The following DMD variants were observed in gnomAD, a reference collection of about 807,000 sequenced individuals.
DMD encodes the protein mutant dystrophin.
DMD carries 63 observed loss-of-function variants against 330.1 expected under a neutral mutation model. The ratio of observed to expected loss-of-function variants is 0.19; its 90% CI spans 0.16 to 0.24. DMD has a LOEUF of 0.24. Ranked by LOEUF, DMD falls within the 10% of genes least tolerant of loss-of-function variation. The pLI is 1.00. For missense variants in DMD, 3,344 were observed against 2,684.1 expected, an observed-to-expected ratio of 1.25 and a Z score of -5.43; for synonymous variants, 1,223 against 959.8, an observed-to-expected ratio of 1.27 and a Z score of -5.07.
intron 27 of DMD, among the ~76,000 whole-genome samples, chrX:32,441,921 G>A (rs2098282765): frequency 9.0e-6 from 1 of 110,579 alleles, no homozygotes; most frequent in Non-Finnish European, 1.9e-5. Context: ...CGTGAATATG[G>A]ACTATTTTTC....
intron 26 of DMD, among the ~76,000 whole-genome samples, chrX:32,452,521 G>T (rs2098338711): frequency 2.0e-5 from 2 of 97,792 alleles, no homozygotes; most frequent in South Asian, 1.0e-3. Flanking sequence ...GAAAGGAAAG[G>T]AAAAAAGAGA....
At chrX:32,275,387 C>T (rs1218635341) in intron 43 of DMD, among the ~76,000 whole-genome samples, 5 of 111,400 alleles carry the variant, frequency 4.5e-5, no homozygotes, top group Non-Finnish European at 9.4e-5. Flanking sequence ...ATCATCAAGT[C>T]GTATTGATTA....
At chrX:31,365,578 TG>T (rs1246446412) in intron 60 of DMD, among the ~76,000 whole-genome samples, 10 of 112,197 alleles carry the variant, frequency 8.9e-5, no homozygotes, top group Non-Finnish European at 1.7e-4. Flanking sequence ...GATAGAGGGT[TG>T]GTTGTTGACA....
chrX:32,316,271 G>A (rs992938066), intron 41 of DMD, among the ~76,000 whole-genome samples: 1 of 111,102 alleles, frequency 9.0e-6, no homozygotes, highest in African/African-American at 3.3e-5. Flanking sequence ...AAATCTGAAT[G>A]AGAAAAATCA....
intron 73 of DMD, 100 bp downstream of exon 73, chrX:31,172,248 A>C: frequency 1.6e-6 from 1 of 616,624 alleles, no homozygotes. Context: ...GATCAAATGA[A>C]TATGATGCTA....
At chrX:32,956,933 A>T (rs2091629041) in intron 2 of DMD, among the ~76,000 whole-genome samples, 1 of 111,974 alleles carries the variant, frequency 8.9e-6, no homozygotes, top group Non-Finnish European at 1.9e-5. Flanking sequence ...TTTAGTGGAC[A>T]AAGGGCTCTC....
chrX:32,721,957 A>T (rs2066365915), intron 7 of DMD, among the ~76,000 whole-genome samples: 1 of 109,857 alleles, frequency 9.1e-6, no homozygotes, highest in South Asian at 3.9e-4. Context: ...GTCCAAAATT[A>T]GTTGATTATA....
chrX:31,810,542 A>G (rs1452179774), intron 50 of DMD, among the ~76,000 whole-genome samples: 1 of 112,103 alleles, frequency 8.9e-6, no homozygotes, highest in Non-Finnish European at 1.9e-5. Flanking sequence ...ACTTTTTAAG[A>G]AGAGAGTTGG....
chrX:32,901,067 T>C (rs2086196043), intron 2 of DMD, among the ~76,000 whole-genome samples: 1 of 111,343 alleles, frequency 9.0e-6, no homozygotes. Context: ...ATGTAGTCAG[T>C]GGTATATTTT....
intron 30 of DMD, among the ~76,000 whole-genome samples, chrX:32,396,085 A>G (rs546428689): frequency 8.5e-4 from 95 of 111,333 alleles, no homozygotes; most frequent in African/African-American, 3.1e-3. Flanking sequence ...TATTGTTGTC[A>G]TAAGTCATAA....
chrX:32,867,063 C>T (rs2082572430), intron 2 of DMD, among the ~76,000 whole-genome samples: 1 of 110,951 alleles, frequency 9.0e-6, no homozygotes, highest in East Asian at 2.9e-4. Context: ...AGCTACCTTT[C>T]GTAAGACTTA....
At chrX:32,479,015 A>AGTTGT (rs2041535771) in intron 21 of DMD, among the ~76,000 whole-genome samples, 1 of 111,634 alleles carries the variant, frequency 9.0e-6, no homozygotes, top group Non-Finnish European at 1.9e-5. Flanking sequence ...ACTTTGTGTA[A>AGTTGT]GTATAAACTA....
chrX:32,848,045 T>C (rs16990716), intron 3 of DMD, among the ~76,000 whole-genome samples: 4,384 of 111,740 alleles, frequency 0.039, 232 homozygotes, highest in African/African-American at 0.14. Flanking sequence ...TGAAATTTGT[T>C]AACCCTGACT....
At chrX:32,118,810 T>C (rs961294664) in intron 44 of DMD, among the ~76,000 whole-genome samples, 29 of 110,406 alleles carry the variant, frequency 2.6e-4, no homozygotes, top group Non-Finnish European at 5.7e-5. Context: ...TGGGAGGCGA[T>C]GGTTTGGGGA....
chrX:31,435,953 G>C (rs2064489312), intron 60 of DMD, among the ~76,000 whole-genome samples: 2 of 111,501 alleles, frequency 1.8e-5, no homozygotes, highest in African/African-American at 3.3e-5. Context: ...AGAAATTGGA[G>C]ACAAGGGCAA....
chrX:32,644,339 G>T (rs1437337366), intron 10 of DMD, 26 bp from the exon 11 acceptor site: 1 of 1,195,073 alleles, frequency 8.4e-7, no homozygotes, highest in African/African-American at 1.8e-5. Flanking sequence ...GTTAACAATT[G>T]TAATTAGAAC....
chrX:31,226,869 G>A (rs1291397699), intron 63 of DMD, among the ~76,000 whole-genome samples: 1 of 111,440 alleles, frequency 9.0e-6, no homozygotes. Context: ...ATGCACTTTT[G>A]GTCAAATACA....
At chrX:32,707,144 C>T (rs778802019) in intron 7 of DMD, among the ~76,000 whole-genome samples, 1 of 111,567 alleles carries the variant, frequency 9.0e-6, no homozygotes, top group Non-Finnish European at 1.9e-5. Flanking sequence ...GAAAAATATA[C>T]TCCACAAACG....
At chrX:32,617,137 G>A (rs990081829) in intron 11 of DMD, among the ~76,000 whole-genome samples, 14 of 110,389 alleles carry the variant, frequency 1.3e-4, no homozygotes, top group Non-Finnish European at 1.9e-4. Flanking sequence ...AATACAATGC[G>A]GGGCAAGTAG....
Sources: allele counts gnomAD v4.1 joint callset (sites outside exome capture counted in the v4.1 genomes callset), GRCh38; gene constraint gnomAD v4.1.1; transcripts MANE v1.5; gene names NCBI Gene and HGNC (gene_info 2026-07-23, HGNC 2026-07-21).